The following SUCLG2 variants were observed in gnomAD, a reference collection of about 807,000 sequenced individuals.
The protein encoded by SUCLG2 is succinate--CoA ligase [GDP-forming] subunit beta, mitochondrial.
Under a neutral mutation model 47.9 loss-of-function variants are expected in SUCLG2, and 42 were observed. The ratio of observed to expected loss-of-function variants is 0.88; its 90% confidence interval spans 0.69 to 1.14. The LOEUF (loss-of-function observed/expected upper bound fraction) is 1.14, where lower values mean the gene tolerates loss of function less well. Ranked by LOEUF, SUCLG2 falls within the 50% of genes most tolerant of loss-of-function variation. The pLI is 0.00. For synonymous variants in SUCLG2, 195 were observed against 197.3 expected, an observed-to-expected ratio of 0.99 and a Z score of 0.10; for missense variants, 571 against 525.9, an observed-to-expected ratio of 1.09 and a Z score of -0.84.
chr3:67,500,635 A>G (rs1043156214), intron 7 of SUCLG2, among the ~76,000 whole-genome samples: 3 of 152,188 alleles, frequency 2.0e-5, no homozygotes, highest in African/African-American at 7.2e-5. Context: ...TGGTATAATA[A>G]TCAATAAAAA....
intron 3 of SUCLG2, among the ~76,000 whole-genome samples, chr3:67,528,561 T>C (rs1291750787): frequency 2.0e-5 from 3 of 152,098 alleles, no homozygotes; most frequent in Non-Finnish European, 4.4e-5. Context: ...ACTGGGGAGA[T>C]ATTGAACAAT....
intron 9 of SUCLG2, among the ~76,000 whole-genome samples, chr3:67,450,459 T>C (rs1704029895): frequency 6.6e-6 from 1 of 152,174 alleles, no homozygotes; most frequent in Non-Finnish European, 1.5e-5. Flanking sequence ...TTTCTGGAAT[T>C]GAAAAAGAAC....
intron 5 of SUCLG2, among the ~76,000 whole-genome samples, chr3:67,519,367 C>T (rs147341324): frequency 2.6e-5 from 4 of 152,298 alleles, no homozygotes; most frequent in African/African-American, 9.6e-5. Flanking sequence ...TTTATGAAAT[C>T]TTTCTGAAAC....
intron 1 of SUCLG2, among the ~76,000 whole-genome samples, chr3:67,642,140 C>T (rs540347570): frequency 1.3e-5 from 2 of 152,226 alleles, no homozygotes; most frequent in African/African-American, 4.8e-5. Flanking sequence ...TTCTGAGATA[C>T]TGAAGGTTAG....
chr3:67,490,199 A>G (rs1167790731), intron 9 of SUCLG2, among the ~76,000 whole-genome samples: 1 of 152,212 alleles, frequency 6.6e-6, no homozygotes, highest in East Asian at 1.9e-4. Flanking sequence ...CCTCAGTTAT[A>G]CGCATGTATC....
At chr3:67,395,682 C>T (rs1326918713) in intron 10 of SUCLG2, among the ~76,000 whole-genome samples, 1 of 152,184 alleles carries the variant, frequency 6.6e-6, no homozygotes, top group African/African-American at 2.4e-5. Context: ...TAATAGACAT[C>T]TACAGAACTC....
In SUCLG2 at chr3:67,573,891, G is replaced by C. The variant is rs540603774; in HGVS notation, c.226+35564C>G. Among the ~76,000 whole-genome samples the C allele has an allele frequency of 3.3e-5, 5 of 152,208 alleles. No homozygotes were observed. In the South Asian group the frequency reaches 1.0e-3, roughly 32 times the overall value. ...AGAGCCCCATCTTTAGCTGAACTAAGGAAAAGTCCTGCAACAACAGCAGGG... is the reference window on the plus strand; with the variant it reads ...AGAGCCCCATCTTTAGCTGAACTAACGAAAAGTCCTGCAACAACAGCAGGG... On this transcript the variant is annotated intron_variant, in intron 2 of 10. Coordinates refer to ENST00000307227, the MANE Select transcript of SUCLG2 (RefSeq NM_003848.4).
chr3:67,624,187 G>A (rs567599833), intron 1 of SUCLG2, among the ~76,000 whole-genome samples: 58 of 152,326 alleles, frequency 3.8e-4, no homozygotes, highest in Non-Finnish European at 7.8e-4. Context: ...CTTTATAGCG[G>A]CAGTTTTGAG....
chr3:67,642,752 G>C (rs1237475775), intron 1 of SUCLG2, among the ~76,000 whole-genome samples: 1 of 152,208 alleles, frequency 6.6e-6, no homozygotes, highest in Non-Finnish European at 1.5e-5. Flanking sequence ...GAATGTGCTT[G>C]ATAAACATCA....
chr3:67,555,682 C>T (rs1481963000), intron 2 of SUCLG2, among the ~76,000 whole-genome samples: 2 of 152,128 alleles, frequency 1.3e-5, no homozygotes, highest in African/African-American at 2.4e-5. Context: ...AACAAGAATT[C>T]GTAAGTCTTT....
chr3:67,556,646 T>A (rs1246153662), intron 2 of SUCLG2, among the ~76,000 whole-genome samples: 1 of 152,206 alleles, frequency 6.6e-6, no homozygotes. Flanking sequence ...TGTTCAGCTC[T>A]AAAGTCACAG....
chr3:67,586,215 G>A (rs1184408824), intron 2 of SUCLG2, among the ~76,000 whole-genome samples: 1 of 152,002 alleles, frequency 6.6e-6, no homozygotes, highest in Non-Finnish European at 1.5e-5. Flanking sequence ...AATGATTTCC[G>A]CAGAGATCAA....
At chr3:67,451,677 G>A (rs1704060178) in intron 9 of SUCLG2, among the ~76,000 whole-genome samples, 1 of 151,770 alleles carries the variant, frequency 6.6e-6, no homozygotes, top group African/African-American at 2.4e-5. Flanking sequence ...TCTGGTGGGG[G>A]TGGGGCGGCA....
chr3:67,410,356 A>G (rs1702907657), intron 9 of SUCLG2, among the ~76,000 whole-genome samples: 1 of 152,226 alleles, frequency 6.6e-6, no homozygotes, highest in African/African-American at 2.4e-5. Flanking sequence ...GTAGTGGTTA[A>G]GTCAGGTATT....
At chr3:67,455,779 A>G (rs1228984820) in intron 9 of SUCLG2, among the ~76,000 whole-genome samples, 1 of 152,122 alleles carries the variant, frequency 6.6e-6, no homozygotes, top group Admixed American at 6.5e-5. Context: ...AAATATGGGT[A>G]TCTGAAAGGG....
chr3:67,546,090 T>C (rs9867820), intron 2 of SUCLG2, among the ~76,000 whole-genome samples: 47 of 152,316 alleles, frequency 3.1e-4, no homozygotes, highest in African/African-American at 9.9e-4. Context: ...CTGCATCTTA[T>C]TTTTCAATGC....
intron 2 of SUCLG2, among the ~76,000 whole-genome samples, chr3:67,536,140 C>A (rs559119985): frequency 6.6e-6 from 1 of 152,136 alleles, no homozygotes; most frequent in Non-Finnish European, 1.5e-5. Flanking sequence ...TGGCAACAGC[C>A]AGAACAGCTC....
At position 67,477,299 on chromosome 3, in the gene SUCLG2, G is replaced by C. The variant is rs569374199; in HGVS notation, c.1062+18499C>G. On this transcript the variant is annotated intron_variant, in intron 9 of 10. Transcript: ENST00000307227. ...CTAATGTGTACAAGCTCCACCATTTGGCTGACTTTTTTTTCCCCTAAAGGC... is the reference window on the plus strand; with the variant it reads ...CTAATGTGTACAAGCTCCACCATTTCGCTGACTTTTTTTTCCCCTAAAGGC... Among the ~76,000 whole-genome samples the C allele has an allele frequency of 1.1e-4, 16 of 152,178 alleles. 1 individual carries two copies. The South Asian group carries it at 3.3e-3, about 32-fold the overall frequency.
intron 1 of SUCLG2, among the ~76,000 whole-genome samples, chr3:67,620,813 C>A (rs911787724): frequency 6.6e-6 from 1 of 151,894 alleles, no homozygotes; most frequent in Non-Finnish European, 1.5e-5. Context: ...GGCACGTGCA[C>A]GAACAAGGGA....
Sources: allele counts gnomAD v4.1 joint callset (sites outside exome capture counted in the v4.1 genomes callset), GRCh38; gene constraint gnomAD v4.1.1; transcripts MANE v1.5; gene names NCBI Gene and HGNC (gene_info 2026-07-23, HGNC 2026-07-21).